Variants in RERE observed in about 807,000 individuals in gnomAD.
The protein encoded by RERE is arginine-glutamic acid dipeptide repeats protein.
RERE carries 40 observed loss-of-function variants against 146.1 expected under a neutral mutation model. The observed-to-expected ratio is 0.27, with a 90% CI of 0.21 to 0.36. The LOEUF is 0.36. Among genes scored for constraint, RERE ranks in the 10% least tolerant of loss-of-function variants. The pLI is 1.00. For missense variants in RERE, 1,933 were observed against 2,138.7 expected, an observed-to-expected ratio of 0.90 and a Z score of 1.90; for synonymous variants, 1,003 against 866.0, an observed-to-expected ratio of 1.16 and a Z score of -2.78.
intron 4 of RERE, among the ~76,000 whole-genome samples, chr1:8,583,132 G>A (rs149672806): frequency 1.7e-3 from 256 of 152,220 alleles, no homozygotes; most frequent in African/African-American, 6.0e-3. Context: ...TGCGGTCCTG[G>A]GGCTTAGTAA....
chr1:8,665,715 A>G (rs1277891694), intron 1 of RERE, among the ~76,000 whole-genome samples: 1 of 152,206 alleles, frequency 6.6e-6, no homozygotes, highest in Non-Finnish European at 1.5e-5. Flanking sequence ...TGCCCCCAAA[A>G]TAATAAAGCA....
chr1:8,491,230 C>A (rs559836531), intron 10 of RERE, among the ~76,000 whole-genome samples: 2 of 150,728 alleles, frequency 1.3e-5, no homozygotes, highest in Non-Finnish European at 2.9e-5. Flanking sequence ...CACCTGAGAT[C>A]GGGAGTTCGA....
intron 4 of RERE, among the ~76,000 whole-genome samples, chr1:8,573,329 C>A (rs1443619338): frequency 6.6e-6 from 1 of 152,030 alleles, no homozygotes; most frequent in Admixed American, 6.6e-5. Flanking sequence ...CATGCTTTTA[C>A]TTAATATATA....
chr1:8,767,151 C>CA (rs2124540157), intron 1 of RERE, among the ~76,000 whole-genome samples: 1 of 152,192 alleles, frequency 6.6e-6, no homozygotes, highest in East Asian at 1.9e-4. Flanking sequence ...AGTTGGGTAT[C>CA]ACTGGCATGT....
intron 17 of RERE, 60 bp from the exon 18 acceptor site, chr1:8,361,550 A>T: frequency 6.4e-7 from 1 of 1,566,508 alleles, no homozygotes; most frequent in Non-Finnish European, 8.7e-7. Flanking sequence ...TCTGCTCTGC[A>T]CCACCAGTGC....
intron 1 of RERE, among the ~76,000 whole-genome samples, chr1:8,663,828 G>A (rs1012462121): frequency 1.3e-5 from 2 of 151,794 alleles, no homozygotes; most frequent in Non-Finnish European, 2.9e-5. Flanking sequence ...TGCTCCTCCT[G>A]CTGCCTCAAG....
intron 3 of RERE, among the ~76,000 whole-genome samples, chr1:8,622,456 C>T (rs1376661222): frequency 1.4e-5 from 2 of 140,094 alleles, no homozygotes; most frequent in Admixed American, 7.7e-5. Flanking sequence ...AGGCTACACC[C>T]GTATTTCAGG....
intron 12 of RERE, among the ~76,000 whole-genome samples, chr1:8,386,513 A>G (rs1038736063): frequency 1.4e-4 from 17 of 120,460 alleles, no homozygotes; most frequent in African/African-American, 4.3e-4. Context: ...ACAGCCAGAG[A>G]GCTTCCTTTC....
At chr1:8,429,041 C>T (rs1484302166) in intron 11 of RERE, among the ~76,000 whole-genome samples, 1 of 152,084 alleles carries the variant, frequency 6.6e-6, no homozygotes, top group Non-Finnish European at 1.5e-5. Context: ...TTACATGCGT[C>T]ATGGTATGAG....
intron 1 of RERE, among the ~76,000 whole-genome samples, chr1:8,793,174 A>AAAAAAAG (rs756022312): frequency 1.2e-4 from 15 of 127,082 alleles, no homozygotes; most frequent in African/African-American, 1.7e-4. Flanking sequence ...AAAAAAAAAA[A>AAAAAAAG]AAAGAAAGAA....
intron 4 of RERE, among the ~76,000 whole-genome samples, chr1:8,581,573 G>T (rs1406357416): frequency 1.3e-5 from 2 of 152,090 alleles, no homozygotes; most frequent in African/African-American, 2.4e-5. Flanking sequence ...GTTTTTATAG[G>T]TTTGAGATTA....
In RERE at chr1:8,423,739, CCGGGGGGCGCGGGGCT is replaced by C; in HGVS notation, c.1204-948_1204-933del. On this transcript the variant is annotated intron_variant, in intron 11 of 22. Coordinates refer to ENST00000400908, the MANE Select transcript of RERE (RefSeq NM_001042681.2). The surrounding 1 kb of genome is among the most constrained non-coding windows in gnomAD (Gnocchi z 5.4). The stretch of plus-strand genomic sequence containing the variant: ...GCGGCGGGGCCGCGCGGCGCGGGGC[CCGGGGGGCGCGGGGCT>C]GGGGCCGCCGCTGACGGGGGAGGAG... 1.0e-6 allele frequency: 1 copy of C among 972,870 alleles called. No individual in the cohort carries two copies. The highest frequency in any genetic ancestry group is 1.2e-6 in the Non-Finnish European group (1 of 821,512). The allele number at this position is 972,870 out of a possible 1,614,324, so 60.3% of individuals were successfully genotyped here.
intron 1 of RERE, among the ~76,000 whole-genome samples, chr1:8,815,432 A>G (rs1047488828): frequency 6.6e-6 from 1 of 152,224 alleles, no homozygotes; most frequent in African/African-American, 2.4e-5. Context: ...ACTGTCCCCA[A>G]CAAAATCAGG....
At chr1:8,626,066 C>A (rs754012355) in intron 2 of RERE, among the ~76,000 whole-genome samples, 1 of 152,162 alleles carries the variant, frequency 6.6e-6, no homozygotes, top group South Asian at 2.1e-4. Flanking sequence ...AATAACTGTG[C>A]TTCAGCATTC....
At chr1:8,742,573 C>A (rs934759756) in intron 1 of RERE, among the ~76,000 whole-genome samples, 8 of 152,166 alleles carry the variant, frequency 5.3e-5, no homozygotes, top group Admixed American at 3.3e-4. Flanking sequence ...GCGATCCCAG[C>A]GCTTTGGGAG....
rs1178020687 is a variant in RERE at position 8,359,946 on chromosome 1, G to A, written c.3436C>T (p.Arg1146Trp). 6.2e-7 allele frequency: 1 copy of A among 1,613,156 alleles called. No homozygotes were observed. The highest frequency in any genetic ancestry group is 8.5e-7 in the Non-Finnish European group (1 of 1,180,034). The part of the protein sequence containing the change: ...HLDRGYNSCA[R>W]TDLYFMPLAG... ...AGAGGCATGAAGTACAGGTCTGTCC[G>A]GGCACACGAGTTGTAGCCCCGGTCC... is the stretch of plus-strand genomic sequence containing the variant. Residue 1146 changes from arginine (R) to tryptophan (W), a missense_variant, in exon 19 of 23, where the codon CGG becomes TGG. Coordinates refer to ENST00000400908, the MANE Select transcript of RERE (RefSeq NM_001042681.2).
intron 10 of RERE, among the ~76,000 whole-genome samples, chr1:8,484,908 G>A (rs752208541): frequency 2.0e-5 from 3 of 152,166 alleles, no homozygotes; most frequent in Non-Finnish European, 4.4e-5. Flanking sequence ...TCTTATGTAT[G>A]AAAAGATAAG....
intron 2 of RERE, among the ~76,000 whole-genome samples, chr1:8,635,941 T>TC (rs1647093536): frequency 7.6e-5 from 2 of 26,436 alleles, no homozygotes; most frequent in Admixed American, 5.6e-4. Flanking sequence ...TCAATTATTA[T>TC]TTTATTTTAT....
At chr1:8,561,066 G>C (rs1489687971) in intron 4 of RERE, among the ~76,000 whole-genome samples, 3 of 152,204 alleles carry the variant, frequency 2.0e-5, no homozygotes, top group Non-Finnish European at 2.9e-5. Context: ...GTGATCTTCT[G>C]AAGTACAATA....
Sources: allele counts gnomAD v4.1 joint callset (sites outside exome capture counted in the v4.1 genomes callset), GRCh38; gene constraint gnomAD v4.1.1; non-coding constraint Gnocchi (gnomAD v3.1); transcripts MANE v1.5; gene names NCBI Gene and HGNC (gene_info 2026-07-23, HGNC 2026-07-21).